Variants in USH2A observed in about 807,000 individuals in gnomAD.
The protein encoded by USH2A is Usher syndrome 2A (autosomal recessive, mild).
A neutral mutation model predicts 538.9 loss-of-function variants in USH2A; 443 were observed. The observed-to-expected ratio is 0.82, with a 90% CI of 0.76 to 0.89. USH2A has a LOEUF of 0.89. Ranked by LOEUF, USH2A falls within the 40% of genes least tolerant of loss-of-function variation. The pLI is 0.00. For missense variants in USH2A, 6,633 were observed against 6,324.8 expected (o/e 1.05, Z -1.65); for synonymous variants, 2,413 against 2,273.5 (o/e 1.06, Z -1.75).
chr1:215,797,749 A>G (rs967321266), intron 50 of USH2A, among the ~76,000 whole-genome samples: 9 of 152,294 alleles, frequency 5.9e-5, no homozygotes, highest in Admixed American at 1.3e-4. Context: ...CTGACAATTC[A>G]TCTGGTCACT....
intron 10 of USH2A, 127 bp from the exon 11 acceptor site, chr1:216,289,537 T>G: frequency 3.2e-6 from 4 of 1,242,404 alleles, no homozygotes; most frequent in Non-Finnish European, 4.6e-6. Flanking sequence ...TTAATGCACC[T>G]TTCATCTCTA....
intron 52 of USH2A, among the ~76,000 whole-genome samples, chr1:215,783,703 AT>A (rs796524546): frequency 2.0e-4 from 31 of 152,348 alleles, no homozygotes; most frequent in African/African-American, 7.5e-4. Flanking sequence ...TGAAAGTTTA[AT>A]TATTTAAATT....
intron 67 of USH2A, among the ~76,000 whole-genome samples, chr1:215,645,583 A>C (rs1013846854): frequency 6.6e-6 from 1 of 152,234 alleles, no homozygotes; most frequent in Admixed American, 6.5e-5. Context: ...AGGAACAAAC[A>C]AGTCCTCTGT....
chr1:215,987,202 C>T (rs1290105176), intron 35 of USH2A, among the ~76,000 whole-genome samples: 1 of 152,124 alleles, frequency 6.6e-6, no homozygotes, highest in Non-Finnish European at 1.5e-5. Context: ...GATTCTAAGG[C>T]CTAAGCTTCT....
At chr1:215,973,939 A>ATC (rs1553283178) in intron 35 of USH2A, among the ~76,000 whole-genome samples, 1 of 53,708 alleles carries the variant, frequency 1.9e-5, no homozygotes, top group Admixed American at 2.3e-4. Flanking sequence ...CATAGGTGAG[A>ATC]TCACACACAC....
chr1:215,707,940 G>A (rs770251455), intron 61 of USH2A, among the ~76,000 whole-genome samples: 16 of 152,158 alleles, frequency 1.1e-4, no homozygotes, highest in Admixed American at 3.9e-4. Context: ...CTAGCTCTGT[G>A]TGCTAGAAGA....
Position 216,137,521 on chromosome 1 carries a change from G to A in USH2A, c.4627+37731C>T, listed in dbSNP as rs74780676. On this transcript the variant is annotated intron_variant, in intron 21 of 71. Transcript: ENST00000307340. The stretch of plus-strand genomic sequence containing the variant: ...ATGATCACAGGGTTCCCAACAGGCC[G>A]CCTGCAGACCGAGGAGCAAGGAGAG... 5.9e-5 allele frequency among the ~76,000 whole-genome samples: 9 copies of A among 152,162 alleles called. No homozygotes were observed. The East Asian group carries it at 7.7e-4, about 13-fold the overall frequency.
At chr1:215,732,630 C>T (rs1471906414) in intron 60 of USH2A, among the ~76,000 whole-genome samples, 1 of 146,692 alleles carries the variant, frequency 6.8e-6, no homozygotes, top group Non-Finnish European at 1.5e-5. Flanking sequence ...CAAGCTCCGC[C>T]TCCCAGGTTC....
At chr1:216,105,363 T>G (rs1470690629) in intron 21 of USH2A, among the ~76,000 whole-genome samples, 1 of 151,618 alleles carries the variant, frequency 6.6e-6, no homozygotes, top group African/African-American at 2.4e-5. Context: ...GCTTTATTGT[T>G]TTTTTTTGAC....
intron 32 of USH2A, among the ~76,000 whole-genome samples, chr1:216,013,936 A>T (rs1302127036): frequency 6.6e-6 from 1 of 152,224 alleles, no homozygotes; most frequent in South Asian, 2.1e-4. Flanking sequence ...TAAACATAAT[A>T]CAAAGAAAAC....
intron 38 of USH2A, among the ~76,000 whole-genome samples, chr1:215,913,614 A>G (rs1665869251): frequency 1.3e-5 from 2 of 152,044 alleles, no homozygotes; most frequent in Admixed American, 1.3e-4. Flanking sequence ...AGAAACTACA[A>G]TTGTTGTTTA....
At chr1:215,669,612 T>A (rs1239935407) in intron 64 of USH2A, among the ~76,000 whole-genome samples, 1 of 152,224 alleles carries the variant, frequency 6.6e-6, no homozygotes, top group East Asian at 1.9e-4. Context: ...CTGTAAATAG[T>A]CTCAAGTCTG....
intron 64 of USH2A, 43 bp downstream of exon 64, chr1:215,670,929 T>G (rs1431219957): frequency 1.2e-6 from 2 of 1,603,906 alleles, no homozygotes. Context: ...TGCTGACGGG[T>G]GCAAACAATC....
At chr1:216,066,792 T>C (rs1412479769) in intron 30 of USH2A, among the ~76,000 whole-genome samples, 1 of 152,196 alleles carries the variant, frequency 6.6e-6, no homozygotes, top group Non-Finnish European at 1.5e-5. Context: ...TCAATATTCT[T>C]CTGAGGTAAA....
At chr1:216,325,729 G>T in intron 5 of USH2A, 130 bp from the exon 6 acceptor site, 1 of 858,168 alleles carries the variant, frequency 1.2e-6, no homozygotes, top group Non-Finnish European at 1.7e-6. Context: ...ATAATTTGAT[G>T]CATGAAACAT....
In USH2A at chr1:215,844,317, G is replaced by A; in HGVS notation, c.9235C>T (p.Pro3079Ser). The A allele has an allele frequency of 6.2e-7, 1 of 1,613,666 alleles. No individual in the cohort carries two copies. Among genetic ancestry groups the A allele is most frequent in the Non-Finnish European group, 8.5e-7 (1 of 1,179,800 alleles). Residue 3079 changes from proline (P) to serine (S), a missense_variant, in exon 46 of 72, where the codon CCC (proline) becomes TCC (serine). Physicochemically the swap from Pro to Ser is moderately conservative, Grantham distance 74 (BLOSUM62 -1). Transcript: ENST00000307340. The part of the protein sequence containing the change: ...PGSFILRDLS[P>S]FTIYDIQVEV... Reference sequence around the variant, plus strand: ...ACCTGAATGTCATAGATAGTGAAGGGAGACAGGTCTCTCAGAATAAACGAC... The same window carrying A: ...ACCTGAATGTCATAGATAGTGAAGGAAGACAGGTCTCTCAGAATAAACGAC...
rs1341182825 is a variant in USH2A, at chr1:216,321,868, T to TA, written c.1644+14dup. The TA allele has an allele frequency of 6.2e-7, 1 of 1,607,930 alleles. No homozygotes were observed. Among genetic ancestry groups the TA allele is most frequent in the Admixed American group, 1.7e-5 (1 of 59,928 alleles). ...TATTTTTTTTTTAGATTTCCATGCA[T>TA]AAAATAGAACTCACATGAAGTCCTT... On this transcript the variant is annotated intron_variant, in intron 9 of 71. Transcript: ENST00000307340.
At chr1:216,306,651 G>T (rs1402514164) in intron 9 of USH2A, among the ~76,000 whole-genome samples, 1 of 152,238 alleles carries the variant, frequency 6.6e-6, no homozygotes, top group East Asian at 1.9e-4. Flanking sequence ...TCAGAGGGAA[G>T]ATCTGGGGCT....
intron 4 of USH2A, among the ~76,000 whole-genome samples, chr1:216,344,575 A>C (rs1479003187): frequency 6.6e-6 from 1 of 151,998 alleles, no homozygotes; most frequent in Non-Finnish European, 1.5e-5. Context: ...GAACCATGGA[A>C]GGGACAACAC....
Sources: allele counts gnomAD v4.1 joint callset (sites outside exome capture counted in the v4.1 genomes callset), GRCh38; gene constraint gnomAD v4.1.1; transcripts MANE v1.5; gene names NCBI Gene and HGNC (gene_info 2026-07-23, HGNC 2026-07-21).